PAPPA: variants seen among roughly 807,000 people sequenced by gnomAD.
PAPPA encodes pappalysin 1.
PAPPA carries 60 observed loss-of-function variants against 164.0 expected under a neutral mutation model. The ratio of observed to expected loss-of-function variants is 0.37; its 90% CI spans 0.30 to 0.45. PAPPA has a LOEUF of 0.45. PAPPA is among the 20% of genes least tolerant of loss of function. The probability of loss-of-function intolerance (pLI) is 1.00; values close to 1 mark genes in which losing one functional copy is unlikely to be tolerated. For synonymous variants in PAPPA, 875 were observed against 814.1 expected (o/e 1.07, Z -1.27); for missense variants, 1,782 against 2,087.3 (o/e 0.85, Z 2.85).
intron 9 of PAPPA, among the ~76,000 whole-genome samples, chr9:116,284,472 T>A (rs1845305815): frequency 6.6e-6 from 1 of 151,498 alleles, no homozygotes; most frequent in African/African-American, 2.4e-5. Context: ...TCTCCAATGT[T>A]CCATAATAGG....
chr9:116,315,468 A>G (rs1465935694), intron 10 of PAPPA, among the ~76,000 whole-genome samples: 2 of 152,230 alleles, frequency 1.3e-5, no homozygotes, highest in Non-Finnish European at 2.9e-5. Flanking sequence ...ATACTGATAA[A>G]TAAATGTTTT....
In PAPPA at chr9:116,382,502, G is replaced by A; in HGVS notation, c.4776+9G>A. 1 of 1,576,452 alleles carries A rather than the reference G, an allele frequency of 6.3e-7. No individual in the cohort carries two copies. On this transcript the variant is annotated intron_variant, in intron 21 of 21. Transcript: ENST00000328252. ...CAGTGAAGACCAAAAAGGTAGGCCA[G>A]TGTGCACTCCTCGGCAGCTGCCTCC...
intron 3 of PAPPA, among the ~76,000 whole-genome samples, chr9:116,208,106 C>T (rs1158374996): frequency 6.6e-6 from 1 of 152,204 alleles, no homozygotes; most frequent in African/African-American, 2.4e-5. Flanking sequence ...CCACCAACAC[C>T]AACAGGAACT....
At chr9:116,355,412 T>A (rs1846340052) in intron 17 of PAPPA, among the ~76,000 whole-genome samples, 1 of 152,212 alleles carries the variant, frequency 6.6e-6, no homozygotes, top group Non-Finnish European at 1.5e-5. Flanking sequence ...TTCCCCTGTC[T>A]CCAGCTGTAA....
At chr9:116,188,445 T>G (rs1258986324) in intron 2 of PAPPA, among the ~76,000 whole-genome samples, 1 of 152,174 alleles carries the variant, frequency 6.6e-6, no homozygotes. Context: ...GAGGGAAGCC[T>G]GAGAGCCCTG....
chr9:116,189,945 G>A (rs866775417), intron 2 of PAPPA, among the ~76,000 whole-genome samples: 8 of 152,198 alleles, frequency 5.3e-5, no homozygotes, highest in South Asian at 2.1e-4. Context: ...GCACCAGGAG[G>A]GCCCCTGGAC....
chr9:116,204,763 A>G (rs745575836), intron 2 of PAPPA, among the ~76,000 whole-genome samples: 3 of 152,188 alleles, frequency 2.0e-5, no homozygotes, highest in Non-Finnish European at 4.4e-5. Flanking sequence ...ATACACAGGG[A>G]CAGCCTTCCC....
intron 9 of PAPPA, among the ~76,000 whole-genome samples, chr9:116,293,661 G>A (rs983053261): frequency 6.6e-6 from 1 of 152,204 alleles, no homozygotes; most frequent in African/African-American, 2.4e-5. Context: ...AGTCTATGAA[G>A]TATTTCAAAC....
chr9:116,344,021 C>T (rs911542946), intron 13 of PAPPA, among the ~76,000 whole-genome samples: 1 of 152,144 alleles, frequency 6.6e-6, no homozygotes, highest in African/African-American at 2.4e-5. Context: ...CCATCTCAGG[C>T]TCCGAAAGTG....
chr9:116,198,650 G>C (rs1844134751), intron 2 of PAPPA, among the ~76,000 whole-genome samples: 1 of 152,208 alleles, frequency 6.6e-6, no homozygotes, highest in African/African-American at 2.4e-5. Flanking sequence ...TAGCTTTTAG[G>C]CTGTGTCCTA....
intron 17 of PAPPA, among the ~76,000 whole-genome samples, chr9:116,360,232 A>G (rs1404746080): frequency 6.6e-6 from 1 of 152,180 alleles, no homozygotes; most frequent in Non-Finnish European, 1.5e-5. Context: ...AGGGCCCAGG[A>G]GAATCATGGG....
intron 18 of PAPPA, 150 bp downstream of exon 18, chr9:116,362,889 C>T: frequency 1.4e-6 from 1 of 727,452 alleles, no homozygotes; most frequent in Non-Finnish European, 2.2e-6. Context: ...AGACCATGTC[C>T]TCCCAGAAAG....
chr9:116,176,363 T>C (rs1329024019), intron 1 of PAPPA, among the ~76,000 whole-genome samples: 1 of 152,356 alleles, frequency 6.6e-6, no homozygotes, highest in South Asian at 2.1e-4. Context: ...AATCTGGTGA[T>C]GCTTCACAGG....
intron 7 of PAPPA, among the ~76,000 whole-genome samples, chr9:116,262,046 C>T (rs1039747732): frequency 4.6e-5 from 7 of 151,930 alleles, no homozygotes; most frequent in African/African-American, 1.4e-4. Context: ...GACCCCATCT[C>T]TACAAAATAT....
chr9:116,322,703 A>C (rs971035181), intron 10 of PAPPA, among the ~76,000 whole-genome samples: 3 of 152,162 alleles, frequency 2.0e-5, no homozygotes, highest in Non-Finnish European at 4.4e-5. Flanking sequence ...ATTCTTGGGA[A>C]ATAACCTGGC....
intron 8 of PAPPA, among the ~76,000 whole-genome samples, chr9:116,266,308 TCA>T (rs1402846615): frequency 2.0e-5 from 3 of 152,232 alleles, no homozygotes; most frequent in African/African-American, 7.2e-5. Context: ...GATTTTTCCC[TCA>T]CAGTCACAGC....
intron 9 of PAPPA, among the ~76,000 whole-genome samples, chr9:116,285,171 C>CTTTTTTTTTTTTTTTT: frequency 1.0e-4 from 9 of 89,494 alleles, no homozygotes; most frequent in South Asian, 4.6e-4. Context: ...TTCTTTCTTT[C>CTTTTTTTTTTTTTTTT]TTTTTTTTTT....
intron 4 of PAPPA, among the ~76,000 whole-genome samples, chr9:116,216,622 T>C (rs1452790995): frequency 1.3e-5 from 2 of 152,284 alleles, no homozygotes; most frequent in African/African-American, 4.8e-5. Flanking sequence ...CTCTAGACAT[T>C]AGCTAATTGA....
At chr9:116,287,579 C>T (rs1845355564) in intron 9 of PAPPA, 1 of 152,224 alleles carries the variant, frequency 6.6e-6, no homozygotes. Flanking sequence ...TGTCAATCAT[C>T]ATCAAGCTCC....
Sources: allele counts gnomAD v4.1 joint callset (sites outside exome capture counted in the v4.1 genomes callset), GRCh38; gene constraint gnomAD v4.1.1; transcripts MANE v1.5; gene names NCBI Gene and HGNC (gene_info 2026-07-23, HGNC 2026-07-21).